ADAMTS12: variants seen among roughly 807,000 people sequenced by gnomAD.
ADAMTS12 encodes ADAM metallopeptidase with thrombospondin type 1 motif 12.
Under a neutral mutation model 167.8 loss-of-function variants are expected in ADAMTS12, and 118 were observed. The ratio of observed to expected loss-of-function variants is 0.70; its 90% CI spans 0.61 to 0.82. ADAMTS12 has a LOEUF of 0.82. ADAMTS12 is among the 40% of genes least tolerant of loss of function. ADAMTS12 has a pLI of 0.00. For missense variants in ADAMTS12, 1,916 were observed against 1,998.8 expected (o/e 0.96, Z 0.79); for synonymous variants, 704 against 716.9 (o/e 0.98, Z 0.29).
Position 33,640,394 on chromosome 5 carries a change from T to G in ADAMTS12, c.1718+1416A>C, listed in dbSNP as rs1461973336. Among the ~76,000 whole-genome samples the G allele has an allele frequency of 1.2e-4, 19 of 152,184 alleles. 1 individual carries two copies. On this transcript the variant is annotated intron_variant, in intron 11 of 23. Transcript: ENST00000504830. Reference sequence around the variant, plus strand: ...CCCTTCTCTGATAGCCACAAGTCACTGACCAACCTGCCAAGAACTTTCACA... The same window carrying G: ...CCCTTCTCTGATAGCCACAAGTCACGGACCAACCTGCCAAGAACTTTCACA...
intron 7 of ADAMTS12, among the ~76,000 whole-genome samples, chr5:33,657,744 T>C (rs570772529): frequency 6.6e-6 from 1 of 152,072 alleles, no homozygotes; most frequent in South Asian, 2.1e-4. Context: ...TTTCAAGAGG[T>C]TGTTAAGCAG....
chr5:33,684,905 T>G (rs72741423), intron 3 of ADAMTS12, among the ~76,000 whole-genome samples: 27,167 of 152,158 alleles, frequency 0.18, 2,663 homozygotes, highest in East Asian at 0.32. Context: ...AAGAGGTCTG[T>G]TTAACACCAA....
chr5:33,767,717 T>C (rs1745590789), intron 2 of ADAMTS12, among the ~76,000 whole-genome samples: 1 of 151,962 alleles, frequency 6.6e-6, no homozygotes, highest in Admixed American at 6.6e-5. Flanking sequence ...ACATTGCTAA[T>C]TAGAGGTCCC....
At chr5:33,605,551 C>G (rs1424510928) in intron 16 of ADAMTS12, among the ~76,000 whole-genome samples, 9 of 152,020 alleles carry the variant, frequency 5.9e-5, no homozygotes, top group Admixed American at 3.3e-4. Flanking sequence ...AGATAGGACA[C>G]AGTTGAAGAG....
chr5:33,659,723 T>G (rs1193150256), intron 6 of ADAMTS12, among the ~76,000 whole-genome samples: 1 of 152,244 alleles, frequency 6.6e-6, no homozygotes, highest in Non-Finnish European at 1.5e-5. Context: ...AGCCACTAGC[T>G]GCACATGTGG....
Position 33,891,524 on chromosome 5 carries a change from T to C in ADAMTS12, c.127+206A>G, listed in dbSNP as rs1750851706. 30 of 651,160 alleles carry C rather than the reference T, an allele frequency of 4.6e-5. No homozygotes were observed. In the South Asian group the frequency reaches 6.2e-4, roughly 14 times the overall value. 40.3% of individuals were successfully genotyped at this position (651,160 alleles called of 1,614,324 possible). A position where few individuals can be genotyped will look rare whatever the true frequency, so the allele number is the denominator to read the frequency against. On this transcript the variant is annotated intron_variant, in intron 1 of 23. Coordinates refer to ENST00000504830, the MANE Select transcript of ADAMTS12 (RefSeq NM_030955.4). The stretch of plus-strand genomic sequence containing the variant: ...TAAAAGAGTGAGGTACTCACCTTTC[T>C]ATAAGAATGAAGGACTCATCACCTT...
chr5:33,536,589 A>C (rs1744418838), intron 22 of ADAMTS12, among the ~76,000 whole-genome samples: 1 of 151,086 alleles, frequency 6.6e-6, no homozygotes, highest in African/African-American at 2.5e-5. Context: ...AGTTTCACTT[A>C]ATAATAGATC....
intron 2 of ADAMTS12, among the ~76,000 whole-genome samples, chr5:33,874,788 G>A (rs1377405026): frequency 2.6e-5 from 4 of 152,158 alleles, no homozygotes; most frequent in African/African-American, 9.7e-5. Flanking sequence ...AACTTCAGGG[G>A]GCTGGGTGCA....
chr5:33,781,201 C>T (rs1746112338), intron 2 of ADAMTS12, among the ~76,000 whole-genome samples: 1 of 151,980 alleles, frequency 6.6e-6, no homozygotes, highest in African/African-American at 2.4e-5. Context: ...TACAGATATA[C>T]ACACACATGC....
chr5:33,743,993 G>A (rs1387058282), intron 3 of ADAMTS12, among the ~76,000 whole-genome samples: 1 of 152,124 alleles, frequency 6.6e-6, no homozygotes, highest in Admixed American at 6.5e-5. Context: ...GGTTAAACTG[G>A]CTCCATATAG....
At chr5:33,624,170 C>T in intron 14 of ADAMTS12, 61 bp downstream of exon 14, 1 of 1,605,104 alleles carries the variant, frequency 6.2e-7, no homozygotes, top group Non-Finnish European at 8.5e-7. Context: ...AACCAATCAA[C>T]CATTTATCTT....
intron 16 of ADAMTS12, among the ~76,000 whole-genome samples, chr5:33,598,987 T>G (rs1281342467): frequency 6.6e-6 from 1 of 152,206 alleles, no homozygotes; most frequent in Non-Finnish European, 1.5e-5. Context: ...CTCAGCGCCC[T>G]TGGAAAGGCC....
chr5:33,650,462 T>A (rs1265875751), intron 7 of ADAMTS12, among the ~76,000 whole-genome samples: 1 of 152,250 alleles, frequency 6.6e-6, no homozygotes, highest in Non-Finnish European at 1.5e-5. Flanking sequence ...TTTCTTTTTA[T>A]CATGATCTAG....
In ADAMTS12 at chr5:33,624,327, C is replaced by A; in HGVS notation, c.2047G>T (p.Asp683Tyr). The A allele has an allele frequency of 6.2e-7, 1 of 1,614,050 alleles. No homozygotes were observed. Among genetic ancestry groups the A allele is most frequent in the Admixed American group, 1.7e-5 (1 of 60,026 alleles). The change falls in exon 14 of 24, where the codon GAT becomes TAT. Residue 683 changes from aspartate to tyrosine, a missense_variant. Physicochemically the swap from Asp to Tyr is radical, Grantham distance 160 (BLOSUM62 -3). Transcript: ENST00000504830. Reference sequence around the variant, plus strand: ...CAGCGATCCTCGGTGGCATTGGAATCGATCTCATAGTCACAGCCAACCATC... The same window carrying A: ...CAGCGATCCTCGGTGGCATTGGAATAGATCTCATAGTCACAGCCAACCATC... ...CKMVGCDYEI[D>Y]SNATEDRCGV... is the part of the protein sequence containing the mutation.
intron 3 of ADAMTS12, among the ~76,000 whole-genome samples, chr5:33,700,719 G>T (rs1742969612): frequency 6.6e-6 from 1 of 152,136 alleles, no homozygotes; most frequent in Non-Finnish European, 1.5e-5. Flanking sequence ...AAGATCAGTG[G>T]ATTGTATCAT....
chr5:33,753,915 T>A (rs1169536515), intron 2 of ADAMTS12, among the ~76,000 whole-genome samples: 2 of 152,134 alleles, frequency 1.3e-5, no homozygotes, highest in Admixed American at 6.5e-5. Context: ...AAGCCAGAGA[T>A]CTGCTGACAT....
chr5:33,642,339 A>G (rs1740493957), intron 10 of ADAMTS12, among the ~76,000 whole-genome samples: 1 of 152,208 alleles, frequency 6.6e-6, no homozygotes, highest in Admixed American at 6.5e-5. Context: ...TTTCTGGTGC[A>G]TGATCCTTAT....
intron 7 of ADAMTS12, among the ~76,000 whole-genome samples, chr5:33,654,323 GAT>G (rs1489633272): frequency 6.6e-6 from 1 of 152,164 alleles, no homozygotes; most frequent in East Asian, 1.9e-4. Context: ...TTCAGTTTGA[GAT>G]ATTCTGGTTC....
At chr5:33,646,348 T>TTTTATTAG (rs1740662859) in intron 9 of ADAMTS12, among the ~76,000 whole-genome samples, 1 of 152,182 alleles carries the variant, frequency 6.6e-6, no homozygotes, top group Non-Finnish European at 1.5e-5. Context: ...TACTTAGGTC[T>TTTTATTAG]TCGATTTATT....
Sources: gnomAD v4.1 joint callset for allele counts (sites outside exome capture counted in the v4.1 genomes callset) on GRCh38, gnomAD v4.1.1 for gene constraint, MANE v1.5 for transcripts, NCBI Gene and HGNC (gene_info 2026-07-23, HGNC 2026-07-21) for gene names.